NOL4L: variants seen among roughly 807,000 people sequenced by gnomAD.
NOL4L encodes nucleolar protein 4 like, also known as nucleolar protein 4-like.
Under a neutral mutation model 64.5 loss-of-function variants are expected in NOL4L, and 7 were observed. That is an observed-to-expected ratio of 0.11 (90% CI 0.06 to 0.20). The LOEUF is 0.20. NOL4L is among the 10% of genes least tolerant of loss of function. The pLI is 1.00. For synonymous variants in NOL4L, 413 were observed against 401.0 expected (o/e 1.03, Z -0.36); for missense variants, 680 against 967.1 (o/e 0.70, Z 3.94).
intron 1 of NOL4L, among the ~76,000 whole-genome samples, chr20:32,556,279 G>C (rs530435083): frequency 2.6e-5 from 4 of 152,164 alleles, no homozygotes; most frequent in East Asian, 1.9e-4. Context: ...CTTTGTGGGG[G>C]GGGGGGGTTT....
At chr20:32,469,978 C>T (rs967402506) in intron 5 of NOL4L, among the ~76,000 whole-genome samples, 4 of 152,236 alleles carry the variant, frequency 2.6e-5, no homozygotes, top group African/African-American at 4.8e-5. Flanking sequence ...CCGTGTGTCC[C>T]GAGGCCCAGG....
chr20:32,534,181 C>A (rs903034137), intron 1 of NOL4L, among the ~76,000 whole-genome samples: 1 of 152,164 alleles, frequency 6.6e-6, no homozygotes, highest in East Asian at 1.9e-4. Flanking sequence ...GGCTAAATAG[C>A]GGAGACATTT....
In NOL4L at chr20:32,460,076, C is replaced by T. The variant is rs968545175; in HGVS notation, c.842-3681G>A. On this transcript the variant is annotated intron_variant, in intron 5 of 10. Coordinates refer to ENST00000621426, the MANE Select transcript of NOL4L (RefSeq NM_001256798.2). This position sits in a 1 kb window ranked among gnomAD's most constrained non-coding sequence, Gnocchi z 5.7. ...AGACAGAAGGTACAGTGAGGCTCCA[C>T]GGGCTGGGAATGGGCAGTTAGTACT... is the stretch of plus-strand genomic sequence containing the variant. Among the ~76,000 whole-genome samples the T allele has an allele frequency of 6.6e-6, 1 of 152,100 alleles. No homozygotes were observed. The highest frequency in any genetic ancestry group is 1.5e-5 in the Non-Finnish European group (1 of 68,040).
chr20:32,495,952 G>A (rs1568656846), intron 4 of NOL4L, among the ~76,000 whole-genome samples: 2 of 152,212 alleles, frequency 1.3e-5, no homozygotes, highest in East Asian at 3.9e-4. Flanking sequence ...ATGACTCGTG[G>A]GGCAGAGGCA....
intron 4 of NOL4L, among the ~76,000 whole-genome samples, chr20:32,505,563 T>A (rs973648430): frequency 1.3e-5 from 2 of 151,632 alleles, no homozygotes; most frequent in Admixed American, 6.6e-5. Flanking sequence ...CAAAAAAAAA[T>A]ACAAAAATTA....
intron 4 of NOL4L, among the ~76,000 whole-genome samples, chr20:32,494,065 C>T (rs1032084451): frequency 2.6e-5 from 4 of 151,944 alleles, no homozygotes; most frequent in African/African-American, 9.7e-5. Flanking sequence ...CCAGTCTGAC[C>T]AACATGGTGA....
chr20:32,536,594 G>T (rs1449284449), intron 1 of NOL4L, among the ~76,000 whole-genome samples: 1 of 148,858 alleles, frequency 6.7e-6, no homozygotes, highest in African/African-American at 2.4e-5. Flanking sequence ...CGGAGGGCCT[G>T]CTGGAGCGGC....
chr20:32,517,228 G>A (rs1204961387), intron 3 of NOL4L, among the ~76,000 whole-genome samples: 2 of 152,172 alleles, frequency 1.3e-5, no homozygotes, highest in Admixed American at 1.3e-4. Flanking sequence ...ATAAGGCCAG[G>A]AAGCCAGGCA....
intron 4 of NOL4L, among the ~76,000 whole-genome samples, chr20:32,479,088 C>G (rs897699471): frequency 3.9e-5 from 6 of 152,368 alleles, no homozygotes; most frequent in African/African-American, 7.2e-5. Context: ...TGTAAGCCCC[C>G]CTAGCCGCAG....
chr20:32,534,260 G>A (rs1225873635), intron 1 of NOL4L, among the ~76,000 whole-genome samples: 1 of 152,192 alleles, frequency 6.6e-6, no homozygotes, highest in Non-Finnish European at 1.5e-5. Flanking sequence ...GCCTTCTGGT[G>A]CATTTCGGAT....
intron 5 of NOL4L, among the ~76,000 whole-genome samples, chr20:32,467,330 G>A (rs577876989): frequency 3.0e-4 from 46 of 152,106 alleles, no homozygotes; most frequent in Non-Finnish European, 6.3e-4. Context: ...TCCCTGGACA[G>A]GGCCTGGCAC....
intron 4 of NOL4L, among the ~76,000 whole-genome samples, chr20:32,486,324 T>G (rs1009794028): frequency 2.0e-5 from 3 of 152,342 alleles, no homozygotes; most frequent in Admixed American, 1.3e-4. Flanking sequence ...CTCCCAGTGA[T>G]GTGTCCCTTC....
chr20:32,541,199 T>G (rs757601850), intron 1 of NOL4L, among the ~76,000 whole-genome samples: 2 of 151,966 alleles, frequency 1.3e-5, no homozygotes, highest in Non-Finnish European at 2.9e-5. Context: ...GGGCCAAGAG[T>G]GAAGACCATT....
intron 1 of NOL4L, among the ~76,000 whole-genome samples, chr20:32,541,601 G>T (rs1381379518): frequency 6.6e-6 from 1 of 152,218 alleles, no homozygotes; most frequent in African/African-American, 2.4e-5. Flanking sequence ...GGGTCCATCG[G>T]CCCGGGCCTG....
Position 32,464,668 on chromosome 20 carries a change from G to C in NOL4L, c.842-8273C>G. On this transcript the variant is annotated intron_variant, in intron 5 of 10. Coordinates refer to ENST00000621426, the MANE Select transcript of NOL4L (RefSeq NM_001256798.2). The surrounding 1 kb of genome is among the most constrained non-coding windows in gnomAD (Gnocchi z 5.6). ...CTTTGCTTAGGCAGGTGCCAATTTA[G>C]GCCCTCACAGTCGGGAGCAGCACTG... 4.8e-6 allele frequency: 1 copy of C among 209,250 alleles called. No individual in the cohort carries two copies. The highest frequency in any genetic ancestry group is 9.6e-5 in the East Asian group (1 of 10,374). 13.0% of individuals were successfully genotyped at this position (209,250 alleles called of 1,614,324 possible).
chr20:32,508,513 T>C (rs921352532), intron 4 of NOL4L, among the ~76,000 whole-genome samples: 2 of 152,188 alleles, frequency 1.3e-5, no homozygotes, highest in Admixed American at 6.5e-5. Flanking sequence ...GACTGACAGA[T>C]GAAGGGCTCT....
At chr20:32,550,281 C>CT (rs1276050774) in intron 1 of NOL4L, among the ~76,000 whole-genome samples, 1 of 152,222 alleles carries the variant, frequency 6.6e-6, no homozygotes, top group African/African-American at 2.4e-5. Context: ...GAGTCTCACT[C>CT]TGTCGCCCAG....
chr20:32,475,773 G>A (rs752808282), intron 4 of NOL4L, among the ~76,000 whole-genome samples: 3 of 151,800 alleles, frequency 2.0e-5, no homozygotes, highest in South Asian at 2.1e-4. Context: ...CCTCCCCTCC[G>A]GGGCCCCCCT....
At chr20:32,541,533 G>A (rs985617786) in intron 1 of NOL4L, among the ~76,000 whole-genome samples, 11 of 152,158 alleles carry the variant, frequency 7.2e-5, no homozygotes, top group Non-Finnish European at 1.2e-4. Context: ...GCCTGAAGCC[G>A]GCTGTCAGGA....
Sources: gnomAD v4.1 joint callset for allele counts (sites outside exome capture counted in the v4.1 genomes callset) on GRCh38, gnomAD v4.1.1 for gene constraint, Gnocchi (gnomAD v3.1) non-coding constraint, MANE v1.5 for transcripts, NCBI Gene and HGNC (gene_info 2026-07-23, HGNC 2026-07-21) for gene names.